CREB5: variants seen among roughly 807,000 people sequenced by gnomAD.
The protein encoded by CREB5 is cyclic AMP-responsive element-binding protein 5.
Under a neutral mutation model 57.1 loss-of-function variants are expected in CREB5, and 19 were observed. The observed-to-expected ratio is 0.33, with a 90% CI of 0.23 to 0.49. The LOEUF (loss-of-function observed/expected upper bound fraction) is 0.49, where lower values mean the gene tolerates loss of function less well. CREB5 is among the 20% of genes least tolerant of loss of function. CREB5 has a pLI of 0.99. For synonymous variants in CREB5, 238 were observed against 238.3 expected (o/e 1.00, Z 0.01); for missense variants, 579 against 671.6 (o/e 0.86, Z 1.52).
intron 7 of CREB5, among the ~76,000 whole-genome samples, chr7:28,731,140 C>T (rs1803603235): frequency 6.6e-6 from 1 of 152,164 alleles, no homozygotes. Flanking sequence ...TTGAGACTAA[C>T]ACTGAGAGCC....
At chr7:28,713,038 T>C (rs1262584101) in intron 5 of CREB5, among the ~76,000 whole-genome samples, 1 of 152,028 alleles carries the variant, frequency 6.6e-6, no homozygotes, top group Non-Finnish European at 1.5e-5. Flanking sequence ...GAAGCACATA[T>C]TTTAAAAAAT....
intron 7 of CREB5, chr7:28,778,815 C>T (rs1295168991): frequency 6.6e-6 from 1 of 152,178 alleles, no homozygotes; most frequent in Non-Finnish European, 1.5e-5. Flanking sequence ...ATGGTGACTA[C>T]TCCTCCCATT....
chr7:28,552,033 T>TTTCTCTCTC (rs1373861403), intron 4 of CREB5, among the ~76,000 whole-genome samples: 1 of 150,376 alleles, frequency 6.6e-6, no homozygotes, highest in African/African-American at 2.5e-5. Flanking sequence ...CTTTCTCTCT[T>TTTCTCTCTC]TTCTCTCTCC....
intron 1 of CREB5, among the ~76,000 whole-genome samples, chr7:28,382,285 T>A (rs1192161960): frequency 3.3e-5 from 5 of 152,300 alleles, no homozygotes; most frequent in African/African-American, 1.2e-4. Context: ...CAGACTCACA[T>A]GCCCATCTTT....
At chr7:28,765,737 A>G (rs1288050763) in intron 7 of CREB5, among the ~76,000 whole-genome samples, 4 of 152,236 alleles carry the variant, frequency 2.6e-5, no homozygotes, top group Non-Finnish European at 5.9e-5. Flanking sequence ...GTTACACCAG[A>G]TCTCAAGACC....
intron 7 of CREB5, among the ~76,000 whole-genome samples, chr7:28,790,487 A>G (rs1354051104): frequency 6.6e-6 from 1 of 152,038 alleles, no homozygotes; most frequent in African/African-American, 2.4e-5. Flanking sequence ...AGAAAGAAAG[A>G]AAGAGAAGGA....
intron 4 of CREB5, among the ~76,000 whole-genome samples, chr7:28,541,339 G>A (rs574417969): frequency 7.8e-4 from 119 of 152,162 alleles, no homozygotes; most frequent in Middle Eastern, 6.8e-3. Context: ...GAAAGAATGC[G>A]CAGAACCCAG....
At chr7:28,306,808 G>A (rs1247650513) in intron 1 of CREB5, among the ~76,000 whole-genome samples, 4 of 151,982 alleles carry the variant, frequency 2.6e-5, no homozygotes, top group East Asian at 3.9e-4. Flanking sequence ...TGATCCGCCC[G>A]CCTCGGCCTC....
At chr7:28,507,260 T>C (rs1290549628) in intron 3 of CREB5, among the ~76,000 whole-genome samples, 1 of 152,216 alleles carries the variant, frequency 6.6e-6, no homozygotes, top group African/African-American at 2.4e-5. Flanking sequence ...CAAAATCATT[T>C]TCTTTTTAAA....
chr7:28,620,136 A>T (rs1263455963), intron 5 of CREB5, among the ~76,000 whole-genome samples: 2 of 152,216 alleles, frequency 1.3e-5, no homozygotes, highest in Non-Finnish European at 2.9e-5. Flanking sequence ...TAATCTGTAT[A>T]GATAAGGGAA....
At chr7:28,510,928 T>A (rs1052235178) in intron 4 of CREB5, among the ~76,000 whole-genome samples, 1 of 152,150 alleles carries the variant, frequency 6.6e-6, no homozygotes, top group Admixed American at 6.5e-5. Context: ...CTCAGACTAG[T>A]TCATATCCTG....
chr7:28,527,614 C>T (rs1793502196), intron 4 of CREB5, among the ~76,000 whole-genome samples: 1 of 152,064 alleles, frequency 6.6e-6, no homozygotes. Context: ...GACAGGTGTT[C>T]AAGACCAACC....
At position 28,819,270 on chromosome 7, in the gene CREB5, G is replaced by A. The variant is rs200938763; in HGVS notation, c.1518G>A (p.Pro506=). The change falls in exon 11 of 11, where the codon CCG becomes CCA. Residue 506 remains proline, a synonymous_variant. Transcript: ENST00000357727. ...CCACTCACAGAACAGACCTGAATCCGATTCTTTAAAATGCACCATCAGACC... is the reference window on the plus strand; with the variant it reads ...CCACTCACAGAACAGACCTGAATCCAATTCTTTAAAATGCACCATCAGACC... ...QLTTHRTDLN[P]IL The A allele has an allele frequency of 9.6e-5, 155 of 1,612,656 alleles. 1 individual carries two copies. The highest frequency in any genetic ancestry group is 4.9e-4 in the Middle Eastern group (3 of 6,072).
chr7:28,301,914 C>G (rs1282426416), intron 1 of CREB5, among the ~76,000 whole-genome samples: 1 of 152,168 alleles, frequency 6.6e-6, no homozygotes, highest in African/African-American at 2.4e-5. Flanking sequence ...GACAAATTCT[C>G]TGGAGGTTTG....
intron 4 of CREB5, among the ~76,000 whole-genome samples, chr7:28,540,082 A>G (rs1421312747): frequency 6.6e-6 from 1 of 152,196 alleles, no homozygotes; most frequent in Non-Finnish European, 1.5e-5. Context: ...AGACTTTAGC[A>G]TATTTTATAA....
intron 5 of CREB5, among the ~76,000 whole-genome samples, chr7:28,593,802 C>A (rs186559288): frequency 6.4e-4 from 98 of 152,278 alleles, no homozygotes; most frequent in African/African-American, 2.4e-3. Context: ...GCTGACTTAG[C>A]CAGAGATCCA....
Position 28,785,777 on chromosome 7 carries a change from C to T in CREB5, c.703-18422C>T, listed in dbSNP as rs144882614. Among the ~76,000 whole-genome samples, 16 of 152,230 alleles carry T rather than the reference C, an allele frequency of 1.1e-4. No individual in the cohort carries two copies. In the East Asian group the frequency reaches 3.1e-3, roughly 29 times the overall value. The stretch of plus-strand genomic sequence containing the variant: ...AGAGAGGAATTAAAGTAATTCTGAA[C>T]CAACAATGTGAAGTATTGTGCTTGT... On this transcript the variant is annotated intron_variant, in intron 7 of 10. Transcript: ENST00000357727.
At chr7:28,702,223 A>AT (rs1432829233) in intron 5 of CREB5, among the ~76,000 whole-genome samples, 1 of 152,192 alleles carries the variant, frequency 6.6e-6, no homozygotes, top group Non-Finnish European at 1.5e-5. Flanking sequence ...ATGCTTGGGA[A>AT]TTTTATATAA....
intron 5 of CREB5, among the ~76,000 whole-genome samples, chr7:28,703,664 C>T (rs1450095107): frequency 6.6e-6 from 1 of 152,094 alleles, no homozygotes; most frequent in African/African-American, 2.4e-5. Context: ...GATGTCCCAG[C>T]TCAAGCAATC....
Sources: gnomAD v4.1 joint callset for allele counts (sites outside exome capture counted in the v4.1 genomes callset) on GRCh38, gnomAD v4.1.1 for gene constraint, MANE v1.5 for transcripts, NCBI Gene and HGNC (gene_info 2026-07-23, HGNC 2026-07-21) for gene names.